PALLD: variants seen among roughly 807,000 people sequenced by gnomAD.
PALLD encodes the protein palladin.
In PALLD, 61 loss-of-function variants were observed where a neutral mutation model predicts 123.5. That is an observed-to-expected ratio of 0.49 (90% confidence interval 0.40 to 0.61). The LOEUF (loss-of-function observed/expected upper bound fraction) is 0.61, where lower values mean the gene tolerates loss of function less well. PALLD is among the 20% of genes least tolerant of loss of function. The pLI is 0.00. For synonymous variants in PALLD, 465 were observed against 496.4 expected, an observed-to-expected ratio of 0.94 and a Z score of 0.84; for missense variants, 1,273 against 1,377.0, an observed-to-expected ratio of 0.92 and a Z score of 1.20.
At chr4:168,619,133 A>G (rs1471795919) in intron 2 of PALLD, among the ~76,000 whole-genome samples, 2 of 152,208 alleles carry the variant, frequency 1.3e-5, no homozygotes, top group Non-Finnish European at 2.9e-5. Flanking sequence ...GTCACCTTTC[A>G]GCAGGAGATC....
At chr4:168,708,376 C>T (rs1217046625) in intron 8 of PALLD, among the ~76,000 whole-genome samples, 1 of 152,118 alleles carries the variant, frequency 6.6e-6, no homozygotes, top group Non-Finnish European at 1.5e-5. Flanking sequence ...ATTATTGTCT[C>T]CATTTTACGG....
At chr4:168,781,043 A>AT (rs1735844475) in intron 10 of PALLD, among the ~76,000 whole-genome samples, 1 of 152,214 alleles carries the variant, frequency 6.6e-6, no homozygotes, top group South Asian at 2.1e-4. Context: ...ACCATTCAAA[A>AT]TGAACATTTT....
chr4:168,532,354 C>T (rs1312723620), intron 2 of PALLD, among the ~76,000 whole-genome samples: 4 of 152,114 alleles, frequency 2.6e-5, no homozygotes, highest in Non-Finnish European at 4.4e-5. Context: ...ACCAGTCATC[C>T]TAAGTCTTCA....
At chr4:168,842,710 A>C (rs1404134107) in intron 10 of PALLD, among the ~76,000 whole-genome samples, 1 of 152,134 alleles carries the variant, frequency 6.6e-6, no homozygotes, top group Non-Finnish European at 1.5e-5. Context: ...CCTGTCATGT[A>C]AGGAGGTACT....
intron 2 of PALLD, among the ~76,000 whole-genome samples, chr4:168,552,599 G>A (rs752095291): frequency 4.6e-5 from 7 of 152,156 alleles, no homozygotes; most frequent in Non-Finnish European, 8.8e-5. Flanking sequence ...AATCTGAAGT[G>A]AAATTTTAAA....
chr4:168,723,389 G>T (rs1333241523), intron 10 of PALLD, among the ~76,000 whole-genome samples: 1 of 152,190 alleles, frequency 6.6e-6, no homozygotes, highest in African/African-American at 2.4e-5. Context: ...TGCTCAGAAG[G>T]ATACTGAGGA....
intron 2 of PALLD, among the ~76,000 whole-genome samples, chr4:168,544,660 A>C (rs149788214): frequency 1.3e-5 from 2 of 152,250 alleles, no homozygotes; most frequent in African/African-American, 4.8e-5. Context: ...TTCGTTTTAC[A>C]CTTATTTCTA....
intron 10 of PALLD, among the ~76,000 whole-genome samples, chr4:168,862,553 T>C (rs1308829919): frequency 1.3e-5 from 2 of 152,228 alleles, no homozygotes; most frequent in African/African-American, 4.8e-5. Context: ...AAAGACTATG[T>C]TGTTGATTGC....
intron 10 of PALLD, among the ~76,000 whole-genome samples, chr4:168,781,056 T>A (rs1735846200): frequency 6.6e-6 from 1 of 152,204 alleles, no homozygotes; most frequent in East Asian, 1.9e-4. Context: ...AACATTTTTT[T>A]AAATGCCAAC....
intron 10 of PALLD, among the ~76,000 whole-genome samples, chr4:168,712,447 A>G (rs1032153018): frequency 3.9e-5 from 6 of 152,190 alleles, no homozygotes; most frequent in African/African-American, 1.4e-4. Flanking sequence ...AGCGCCCTTC[A>G]CAACACAGGC....
chr4:168,553,258 C>T lies in PALLD; in HGVS notation c.908+40846C>T, dbSNP rs560174395. ...ACCACAGCCATGAAGGGACTCAAAACGACTGTGAGGAGGGCAAGTCTGGGG... is the reference window on the plus strand; with the variant it reads ...ACCACAGCCATGAAGGGACTCAAAATGACTGTGAGGAGGGCAAGTCTGGGG... On this transcript the variant is annotated intron_variant, in intron 2 of 21. Coordinates refer to ENST00000505667, the MANE Select transcript of PALLD (RefSeq NM_001166108.2). Among the ~76,000 whole-genome samples, 68 of 152,148 alleles carry T rather than the reference C, an allele frequency of 4.5e-4. 1 individual carries two copies. The highest frequency in any genetic ancestry group is 2.4e-4 in the Non-Finnish European group (16 of 68,000).
intron 10 of PALLD, among the ~76,000 whole-genome samples, chr4:168,735,142 C>T (rs534391996): frequency 1.3e-5 from 2 of 152,182 alleles, no homozygotes; most frequent in Non-Finnish European, 2.9e-5. Context: ...GCCCCCTAAA[C>T]AATGTCTTAC....
chr4:168,924,536 T>C, intron 19 of PALLD, 116 bp downstream of exon 19: 6 of 1,074,426 alleles, frequency 5.6e-6, no homozygotes, highest in East Asian at 2.5e-5. Context: ...ATGTTTTGAT[T>C]TTTGATGAAA....
intron 10 of PALLD, among the ~76,000 whole-genome samples, chr4:168,859,736 C>A (rs888896312): frequency 6.6e-6 from 1 of 152,118 alleles, no homozygotes; most frequent in Non-Finnish European, 1.5e-5. Flanking sequence ...AGTGAGGGAA[C>A]TTTTAGAACT....
At chr4:168,664,807 G>T (rs1239899071) in intron 2 of PALLD, among the ~76,000 whole-genome samples, 8 of 151,580 alleles carry the variant, frequency 5.3e-5, no homozygotes, top group Non-Finnish European at 1.2e-4. Flanking sequence ...TATTTTGATG[G>T]CAGGCTCTCC....
Position 168,511,983 on chromosome 4 carries a change from G to A in PALLD, c.479G>A (p.Arg160Lys), listed in dbSNP as rs779518688. 5 of 1,614,220 alleles carry A rather than the reference G, an allele frequency of 3.1e-6. No homozygotes were observed. The highest frequency in any genetic ancestry group is 4.2e-6 in the Non-Finnish European group (5 of 1,180,034). Residue 160 changes from arginine to lysine, a missense_variant, in exon 2 of 22, where the codon AGA becomes AAA. Transcript: ENST00000505667. ...TNVKPKTPHQ[R>K]KGGPQSQLCD... ...GTAAAGCCCAAAACGCCACATCAAAGAAAGGGTGGCCCCCAGAGCCAGCTG... is the reference window on the plus strand; with the variant it reads ...GTAAAGCCCAAAACGCCACATCAAAAAAAGGGTGGCCCCCAGAGCCAGCTG...
chr4:168,499,591 T>C (rs1761178777), intron 1 of PALLD, among the ~76,000 whole-genome samples: 1 of 152,148 alleles, frequency 6.6e-6, no homozygotes, highest in Non-Finnish European at 1.5e-5. Context: ...CACTTATAAC[T>C]TTTTTTCAAA....
intron 10 of PALLD, among the ~76,000 whole-genome samples, chr4:168,723,714 A>G (rs1581155501): frequency 6.6e-6 from 1 of 152,198 alleles, no homozygotes; most frequent in South Asian, 2.1e-4. Context: ...CATCGTCCTG[A>G]GGATCACTTG....
chr4:168,785,057 G>GTTT (rs1736493817), intron 10 of PALLD, among the ~76,000 whole-genome samples: 4 of 53,626 alleles, frequency 7.5e-5, no homozygotes, highest in African/African-American at 3.0e-4. Context: ...TCTCCCTTTT[G>GTTT]CTTTTTTTTT....
Sources: allele counts gnomAD v4.1 joint callset (sites outside exome capture counted in the v4.1 genomes callset), GRCh38; gene constraint gnomAD v4.1.1; transcripts MANE v1.5; gene names NCBI Gene and HGNC (gene_info 2026-07-23, HGNC 2026-07-21).